Variants in YTHDC1 observed in about 807,000 individuals in gnomAD.
YTHDC1 encodes the protein YTH domain-containing protein 1.
Under a neutral mutation model 107.0 loss-of-function variants are expected in YTHDC1, and 12 were observed. The ratio of observed to expected loss-of-function variants is 0.11; its 90% confidence interval spans 0.07 to 0.18. The LOEUF is 0.18. YTHDC1 is among the 10% of genes least tolerant of loss of function. The pLI is 1.00. For synonymous variants in YTHDC1, 280 were observed against 289.5 expected (o/e 0.97, Z 0.33); for missense variants, 635 against 898.8 (o/e 0.71, Z 3.75).
intron 8 of YTHDC1, 35 bp from the exon 9 acceptor site, chr4:68,330,154 G>T: frequency 6.3e-7 from 1 of 1,576,076 alleles, no homozygotes; most frequent in Non-Finnish European, 8.7e-7. Context: ...ATATGTAGAT[G>T]CTAATATAAT....
intron 6 of YTHDC1, 120 bp from the exon 7 acceptor site, chr4:68,332,317 C>T: frequency 1.8e-6 from 1 of 548,084 alleles, no homozygotes; most frequent in Non-Finnish European, 3.1e-6. Flanking sequence ...ACGCAACAAT[C>T]ACCCATTCAA....
At chr4:68,318,045 G>A (rs1470905025) in intron 15 of YTHDC1, among the ~76,000 whole-genome samples, 1 of 152,116 alleles carries the variant, frequency 6.6e-6, no homozygotes, top group African/African-American at 2.4e-5. Flanking sequence ...ACACAAATGA[G>A]CTTTTAGTCT....
At chr4:68,349,425 A>T (rs1277054217) in intron 1 of YTHDC1, among the ~76,000 whole-genome samples, 1 of 152,196 alleles carries the variant, frequency 6.6e-6, no homozygotes, top group Non-Finnish European at 1.5e-5. Flanking sequence ...TAAACCTAGG[A>T]GCTTGCAACT....
In YTHDC1 at chr4:68,310,909, A is replaced by C. The variant is rs1023399276; in HGVS notation, c.*3190T>G. 6.6e-6 allele frequency: 1 copy of C among 152,194 alleles called. No homozygotes were observed. The highest frequency in any genetic ancestry group is 1.5e-5 in the Non-Finnish European group (1 of 68,036). 9.4% of individuals were successfully genotyped at this position (152,194 alleles called of 1,614,324 possible). A position where few individuals can be genotyped will look rare whatever the true frequency, so the allele number is the denominator to read the frequency against. On this transcript the variant is annotated 3_prime_UTR_variant, in exon 17 of 17. Coordinates refer to ENST00000344157, the MANE Select transcript of YTHDC1 (RefSeq NM_001031732.4). ...TCTACAGCAGAATGTAGATATATCC[A>C]AGGGCAAGATGCCACACCTGTGATG...
chr4:68,327,052 C>G (rs1218679157), intron 9 of YTHDC1, among the ~76,000 whole-genome samples: 4 of 151,046 alleles, frequency 2.6e-5, no homozygotes, highest in African/African-American at 9.7e-5. Flanking sequence ...GCCTAACCAA[C>G]ATGGAGAAAC....
rs187451261 is a variant in YTHDC1 at position 68,338,494 on chromosome 4, A to G, written c.29-110T>C. On this transcript the variant is annotated intron_variant, in intron 1 of 16. Coordinates refer to ENST00000344157, the MANE Select transcript of YTHDC1 (RefSeq NM_001031732.4). The stretch of plus-strand genomic sequence containing the variant: ...AGCGCCTAGGAGCTTTTACTTTTAT[A>G]TAAAAAGCTTTACTTTTATTTCAGA... 605 of 669,228 alleles carry G rather than the reference A, an allele frequency of 9.0e-4. 2 individuals are homozygous for G. The African/African-American group carries it at 0.01, about 11-fold the overall frequency. The allele number at this position is 669,228 out of a possible 1,614,324, so 41.5% of individuals were successfully genotyped here.
chr4:68,330,354 C>G, intron 7 of YTHDC1, 44 bp from the exon 8 acceptor site: 1 of 1,306,872 alleles, frequency 7.7e-7, no homozygotes, highest in South Asian at 1.7e-5. Flanking sequence ...TTAACTACAA[C>G]TCTTTTGTGT....
intron 4 of YTHDC1, among the ~76,000 whole-genome samples, chr4:68,333,811 A>C (rs975829018): frequency 6.6e-6 from 1 of 152,134 alleles, no homozygotes; most frequent in Admixed American, 6.5e-5. Context: ...CAGCACAATT[A>C]CAATTCTGAT....
Position 68,332,184 on chromosome 4 carries a change from T to C in YTHDC1, c.1041A>G (p.Lys347=). ...VRAVRKDQTS[K]LKYVLQDARF... ...TTGCATCTTGAAGCACATATTTGAG[T>C]TTACTGGTTTGATCTGAAAAAAAAA... Residue 347 remains lysine, a synonymous_variant, in exon 7 of 17, where the codon AAA becomes AAG. Coordinates refer to ENST00000344157, the MANE Select transcript of YTHDC1 (RefSeq NM_001031732.4). 1 of 1,600,146 alleles carries C rather than the reference T, an allele frequency of 6.2e-7. No individual in the cohort carries two copies. The highest frequency in any genetic ancestry group is 8.5e-7 in the Non-Finnish European group (1 of 1,173,852).
At chr4:68,349,423 G>T (rs1057507475) in intron 1 of YTHDC1, among the ~76,000 whole-genome samples, 1 of 152,166 alleles carries the variant, frequency 6.6e-6, no homozygotes, top group Non-Finnish European at 1.5e-5. Flanking sequence ...AATAAACCTA[G>T]GAGCTTGCAA....
chr4:68,321,508 G>C (rs1281906360), intron 11 of YTHDC1, among the ~76,000 whole-genome samples: 3 of 152,188 alleles, frequency 2.0e-5, no homozygotes, highest in Admixed American at 6.5e-5. Context: ...TTGAGAGAAG[G>C]TGTAGTGGTG....
intron 1 of YTHDC1, among the ~76,000 whole-genome samples, chr4:68,339,037 C>G (rs6552179): frequency 0.78 from 119,374 of 152,188 alleles, 47,227 homozygotes; most frequent in East Asian, 0.97. Flanking sequence ...AATTAGTATA[C>G]AAATACGTAT....
At chr4:68,343,975 A>G (rs920392244) in intron 1 of YTHDC1, 4 of 152,208 alleles carry the variant, frequency 2.6e-5, no homozygotes, top group African/African-American at 9.7e-5. Context: ...TGCTGTTTTT[A>G]AAAATTCTAA....
chr4:68,348,268 C>T (rs28579260), intron 1 of YTHDC1, among the ~76,000 whole-genome samples: 9 of 152,270 alleles, frequency 5.9e-5, no homozygotes, highest in South Asian at 4.1e-4. Context: ...GAATTTTACT[C>T]ATTTTTGTGT....
rs1276612781 is a variant in YTHDC1, at chr4:68,337,068, G to A, written c.842C>T (p.Thr281Ile). Residue 281 changes from threonine (T) to isoleucine (I), a missense_variant, in exon 4 of 17, where the codon ACA becomes ATA. Around this residue, in one of 5 missense-constraint regions of YTHDC1, gnomAD observed 294 missense variants for 312.3 expected, o/e 0.94. Coordinates refer to ENST00000344157, the MANE Select transcript of YTHDC1 (RefSeq NM_001031732.4). ...TGAACCAGATCTGACAGACCCATCT[G>A]TGAAGGAAACAGATTCAGAACCAGA... The part of the protein sequence containing the change: ...SDSGSESVSF[T>I]DGSVRSGSGT... 1 of 1,613,802 alleles carries A rather than the reference G, an allele frequency of 6.2e-7. No individual in the cohort carries two copies. Among genetic ancestry groups the A allele is most frequent in the South Asian group, 1.1e-5 (1 of 91,026 alleles).
intron 1 of YTHDC1, among the ~76,000 whole-genome samples, chr4:68,342,649 GTAT>G: frequency 6.6e-6 from 1 of 152,228 alleles, no homozygotes; most frequent in African/African-American, 2.4e-5. Context: ...AAAGCTTATA[GTAT>G]TAAGTTATAA....
chr4:68,321,932 C>T (rs1722488693), intron 11 of YTHDC1, among the ~76,000 whole-genome samples: 1 of 152,258 alleles, frequency 6.6e-6, no homozygotes, highest in Middle Eastern at 3.4e-3. Flanking sequence ...GTTAAACCCC[C>T]TTTTTCTGGA....
Position 68,332,781 on chromosome 4 carries a change from A to C in YTHDC1, c.1027+13T>G. On this transcript the variant is annotated intron_variant, in intron 6 of 16. Transcript: ENST00000344157. ...CAGCATGCAATGAAAACAATTTCAA[A>C]TTTAAATGATACCTTTTCGGACAGC... 6.2e-7 allele frequency: 1 copy of C among 1,611,910 alleles called. No homozygotes were observed. The highest frequency in any genetic ancestry group is 1.1e-5 in the South Asian group (1 of 90,784).
chr4:68,349,328 C>T (rs1725811314), intron 1 of YTHDC1, among the ~76,000 whole-genome samples: 1 of 152,200 alleles, frequency 6.6e-6, no homozygotes, highest in East Asian at 1.9e-4. Flanking sequence ...CAGTGTTGAT[C>T]GCGGCATTAG....
Sources: allele counts gnomAD v4.1 joint callset (sites outside exome capture counted in the v4.1 genomes callset), GRCh38; gene constraint gnomAD v4.1.1; regional missense constraint gnomAD v4.1.1; transcripts MANE v1.5; gene names NCBI Gene and HGNC (gene_info 2026-07-23, HGNC 2026-07-21).